MICAL3: variants seen among roughly 807,000 people sequenced by gnomAD.
MICAL3 encodes the protein microtubule associated monooxygenase, calponin and LIM domain containing 3.
Under a neutral mutation model 207.4 loss-of-function variants are expected in MICAL3, and 62 were observed. That is an observed-to-expected ratio of 0.30 (90% CI 0.24 to 0.37). The LOEUF is 0.37. Ranked by LOEUF, MICAL3 falls within the 10% of genes least tolerant of loss-of-function variation. The probability of loss-of-function intolerance (pLI) is 1.00; values close to 1 mark genes in which losing one functional copy is unlikely to be tolerated. For missense variants in MICAL3, 2,368 were observed against 2,635.6 expected, an observed-to-expected ratio of 0.90 and a Z score of 2.22; for synonymous variants, 1,077 against 1,069.3, an observed-to-expected ratio of 1.01 and a Z score of -0.14.
At chr22:17,978,287 T>C (rs775344614) in intron 1 of MICAL3, among the ~76,000 whole-genome samples, 34 of 152,184 alleles carry the variant, frequency 2.2e-4, no homozygotes, top group Non-Finnish European at 3.7e-4. Flanking sequence ...AGCAGCCAGT[T>C]ACAAAAGGGC....
intron 25 of MICAL3, 120 bp from the exon 26 acceptor site, chr22:17,819,249 C>T (rs1921279122): frequency 1.7e-5 from 18 of 1,052,652 alleles, no homozygotes; most frequent in Non-Finnish European, 2.3e-5. Context: ...ACTTCCCCGT[C>T]CTTCCAGCTG....
intron 1 of MICAL3, among the ~76,000 whole-genome samples, chr22:17,969,580 T>G (rs1439000250): frequency 1.3e-5 from 2 of 152,186 alleles, no homozygotes; most frequent in African/African-American, 2.4e-5. Context: ...CTTTTTTGGT[T>G]TATCTTAGAA....
intron 1 of MICAL3, among the ~76,000 whole-genome samples, chr22:17,951,649 G>T (rs768853957): frequency 1.3e-5 from 2 of 151,608 alleles, no homozygotes; most frequent in Non-Finnish European, 2.9e-5. Flanking sequence ...AATAACTAGA[G>T]AATTATCTAT....
chr22:17,871,725 G>A, intron 17 of MICAL3, 112 bp downstream of exon 17: 3 of 948,916 alleles, frequency 3.2e-6, no homozygotes, highest in Non-Finnish European at 4.6e-6. Context: ...GAGGCATGAT[G>A]GAAAAGACGC....
intron 20 of MICAL3, among the ~76,000 whole-genome samples, chr22:17,838,041 G>A (rs8137277): frequency 0.012 from 1,859 of 152,270 alleles, 17 homozygotes; most frequent in Middle Eastern, 0.034. Flanking sequence ...CTAGACACAA[G>A]CAATCCTCCT....
intron 16 of MICAL3, 139 bp from the exon 17 acceptor site, chr22:17,872,162 G>A: frequency 1.4e-6 from 1 of 703,992 alleles, no homozygotes; most frequent in South Asian, 1.9e-5. Context: ...ACTGGCTACG[G>A]TCAACTGTGC....
In MICAL3 at chr22:17,902,865, C is replaced by CTG; in HGVS notation, c.473-120_473-119dup. 1.6e-6 allele frequency: 1 copy of CTG among 632,328 alleles called. No individual in the cohort carries two copies. 39.2% of individuals were successfully genotyped at this position (632,328 alleles called of 1,614,324 possible). A position where few individuals can be genotyped will look rare whatever the true frequency, so the allele number is the denominator to read the frequency against. On this transcript the variant is annotated intron_variant, in intron 3 of 31. Transcript: ENST00000441493. The surrounding 1 kb of genome is among the most constrained non-coding windows in gnomAD (Gnocchi z 4.5). ...CCCCCTTCATTCAGATTCCCAAAGC[C>CTG]TGCTGTAGCAGGAGACCTTCCAAAG...
intron 1 of MICAL3, among the ~76,000 whole-genome samples, chr22:18,023,668 A>T (rs1182518501): frequency 6.6e-6 from 1 of 152,134 alleles, no homozygotes; most frequent in Non-Finnish European, 1.5e-5. Context: ...CTTTTGTTGC[A>T]CACGCCCGGG....
In MICAL3 at chr22:17,793,391, C is replaced by T. The variant is rs1488768325; in HGVS notation, c.5651-2090G>A. ...TGACTCTCCCATCCAAATCGCTGCACGCAGGCGGGAGGCTCCTCACCTGCA... is the reference window on the plus strand; with the variant it reads ...TGACTCTCCCATCCAAATCGCTGCATGCAGGCGGGAGGCTCCTCACCTGCA... On this transcript the variant is annotated intron_variant, in intron 29 of 31. Transcript: ENST00000441493. The surrounding 1 kb of genome is among the most constrained non-coding windows in gnomAD (Gnocchi z 4.1). Among the ~76,000 whole-genome samples, 3 of 152,164 alleles carry T rather than the reference C, an allele frequency of 2.0e-5. No homozygotes were observed. The highest frequency in any genetic ancestry group is 2.9e-5 in the Non-Finnish European group (2 of 68,036).
chr22:17,801,216 G>A lies in MICAL3; in HGVS notation c.5650+7628C>T, dbSNP rs527689555. ...CGCCCAGGCTGGAGTGCAGTGGCGGGATCTCGGCTCACTGCAAGCTCCGCC... is the reference window on the plus strand; with the variant it reads ...CGCCCAGGCTGGAGTGCAGTGGCGGAATCTCGGCTCACTGCAAGCTCCGCC... On this transcript the variant is annotated intron_variant, in intron 29 of 31. Transcript: ENST00000441493. Among the ~76,000 whole-genome samples the A allele has an allele frequency of 1.2e-4, 13 of 107,270 alleles. 4 individuals are homozygous for A. The East Asian group carries it at 3.4e-3, about 28-fold the overall frequency. The allele number at this position is 107,270 out of a possible 152,430, so 70.4% of individuals were successfully genotyped here. A position where few individuals can be genotyped will look rare whatever the true frequency, so the allele number is the denominator to read the frequency against.
At chr22:17,889,380 C>A in intron 12 of MICAL3, 150 bp from the exon 13 acceptor site, 1 of 525,832 alleles carries the variant, frequency 1.9e-6, no homozygotes, top group Non-Finnish European at 3.3e-6. Flanking sequence ...CCTGTCTTAT[C>A]TCACCTCTTG....
At chr22:17,860,432 G>C (rs546537146) in intron 19 of MICAL3, 1 of 985,438 alleles carries the variant, frequency 1.0e-6, no homozygotes, top group African/African-American at 1.7e-5. Context: ...TACCGCCGCC[G>C]GGAAGCCGGC....
chr22:17,942,037 A>C (rs1423405765), intron 1 of MICAL3, among the ~76,000 whole-genome samples: 1 of 152,018 alleles, frequency 6.6e-6, no homozygotes, highest in Non-Finnish European at 1.5e-5. Context: ...AGACAACAAC[A>C]AGGAGAGGCG....
chr22:17,810,158 G>C (rs987505087), intron 28 of MICAL3, among the ~76,000 whole-genome samples: 1 of 150,502 alleles, frequency 6.6e-6, no homozygotes, highest in Non-Finnish European at 1.5e-5. Flanking sequence ...CACTTGCTGG[G>C]TTCATGCCAT....
chr22:17,930,333 T>A (rs1304494924), intron 1 of MICAL3, among the ~76,000 whole-genome samples: 1 of 152,254 alleles, frequency 6.6e-6, no homozygotes, highest in Non-Finnish European at 1.5e-5. Context: ...GAATGTCTTA[T>A]GTTAGCCAAA....
chr22:17,837,407 T>C (rs1040968361), intron 20 of MICAL3, among the ~76,000 whole-genome samples: 1 of 152,248 alleles, frequency 6.6e-6, no homozygotes, highest in Non-Finnish European at 1.5e-5. Flanking sequence ...AACATACCTG[T>C]GTGTGCTAGC....
intron 1 of MICAL3, chr22:17,980,945 T>C: frequency 1.9e-6 from 1 of 530,422 alleles, no homozygotes; most frequent in Non-Finnish European, 3.9e-6. Flanking sequence ...CCCTGCACAC[T>C]TGGAGGTGTC....
At chr22:17,894,283 T>C (rs559521273) in intron 10 of MICAL3, among the ~76,000 whole-genome samples, 16 of 151,628 alleles carry the variant, frequency 1.1e-4, no homozygotes, top group South Asian at 2.1e-4. Context: ...TCCCAGCTAC[T>C]TGGGAGGCTG....
intron 27 of MICAL3, chr22:17,811,019 C>T: frequency 1.9e-6 from 1 of 535,098 alleles, no homozygotes. Flanking sequence ...GCAGAGTCCC[C>T]AGCCTGCAGC....
Sources: gnomAD v4.1 joint callset for allele counts (sites outside exome capture counted in the v4.1 genomes callset) on GRCh38, gnomAD v4.1.1 for gene constraint, Gnocchi (gnomAD v3.1) non-coding constraint, MANE v1.5 for transcripts, NCBI Gene and HGNC (gene_info 2026-07-23, HGNC 2026-07-21) for gene names.